GRIP2: variants seen among roughly 807,000 people sequenced by gnomAD.
GRIP2 encodes the protein glutamate receptor-interacting protein 2.
In GRIP2, 58 loss-of-function variants were observed where a neutral mutation model predicts 108.3. The ratio of observed to expected loss-of-function variants is 0.54; its 90% CI spans 0.43 to 0.67. The LOEUF is 0.67. Ranked by LOEUF, GRIP2 falls within the 30% of genes least tolerant of loss-of-function variation. The pLI, the probability that GRIP2 is intolerant of heterozygous loss-of-function variation, is 0.00. For missense variants in GRIP2, 1,278 were observed against 1,430.6 expected (o/e 0.89, Z 1.72); for synonymous variants, 586 against 598.2 (o/e 0.98, Z 0.30).
At chr3:14,508,414 G>T (rs1186387059) in intron 17 of GRIP2, among the ~76,000 whole-genome samples, 1 of 152,362 alleles carries the variant, frequency 6.6e-6, no homozygotes, top group Non-Finnish European at 1.5e-5. Context: ...CCAGGGCTGA[G>T]CAGGGGAGAA....
At chr3:14,533,315 T>A (rs1694756923) in intron 1 of GRIP2, among the ~76,000 whole-genome samples, 1 of 152,238 alleles carries the variant, frequency 6.6e-6, no homozygotes, top group Admixed American at 6.5e-5. Context: ...CCTGTGCAGA[T>A]TAGATTCTGT....
upstream of GRIP2, among the ~76,000 whole-genome samples, chr3:14,559,782 G>T (rs73815607): frequency 4.9e-3 from 744 of 152,312 alleles, 5 homozygotes; most frequent in African/African-American, 0.017. Context: ...ACTCCTGGCA[G>T]AGACAGACGC....
At chr3:14,558,300 A>G (rs1012336933), upstream of GRIP2, among the ~76,000 whole-genome samples, 1 of 151,320 alleles carries the variant, frequency 6.6e-6, no homozygotes, top group Non-Finnish European at 1.5e-5. Context: ...CCCTTATAAA[A>G]CCCCTATTGT....
chr3:14,543,479 G>A (rs992623135), upstream of GRIP2, among the ~76,000 whole-genome samples: 2 of 152,364 alleles, frequency 1.3e-5, no homozygotes, highest in South Asian at 4.1e-4. Context: ...AAGGATTTCC[G>A]TCTGGGAGGC....
intron 1 of GRIP2, among the ~76,000 whole-genome samples, chr3:14,537,825 G>A (rs979721993): frequency 1.3e-5 from 2 of 152,206 alleles, no homozygotes; most frequent in African/African-American, 4.8e-5. Context: ...CAGCATGGCA[G>A]CAAGTGCCTG....
At chr3:14,598,093 T>C in the GRIP2 span, among the ~76,000 whole-genome samples, 1 of 152,110 alleles carries the variant, frequency 6.6e-6, no homozygotes, top group Non-Finnish European at 1.5e-5. Flanking sequence ...ACCCACGCAC[T>C]GGAAACCACA....
chr3:14,575,245 T>A, the GRIP2 span, among the ~76,000 whole-genome samples: 9 of 152,218 alleles, frequency 5.9e-5, no homozygotes, highest in African/African-American at 2.2e-4. Context: ...AAAAGATGCA[T>A]CTGTGCCACT....
chr3:14,529,274 G>A (rs1036514186), intron 1 of GRIP2, among the ~76,000 whole-genome samples: 13 of 114,160 alleles, frequency 1.1e-4, no homozygotes, highest in African/African-American at 4.9e-4. Flanking sequence ...GTGAGACTCC[G>A]TCTCAAAAAA....
Position 14,525,915 on chromosome 3 carries a change from G to A in GRIP2, c.57C>T (p.Ser19=). 6.4e-7 allele frequency: 1 copy of A among 1,559,228 alleles called. No homozygotes were observed. The highest frequency in any genetic ancestry group is 8.7e-7 in the Non-Finnish European group (1 of 1,151,238). Residue 19 remains serine (S), a synonymous_variant, in exon 2 of 24, where the codon TCC becomes TCT. Transcript: ENST00000621039. ...TPGEADDGPY[S]KGGKDAGGAD... The stretch of plus-strand genomic sequence containing the variant: ...CCCCTCCTGCGTCCTTGCCTCCTTT[G>A]GAGTAGGGCCCATCGTCTGCAGGAG...
Position 14,514,330 on chromosome 3 carries a change from G to C in GRIP2, c.1455C>G (p.Pro485=). 6.3e-7 allele frequency: 1 copy of C among 1,577,608 alleles called. No homozygotes were observed. Among genetic ancestry groups the C allele is most frequent in the South Asian group, 1.2e-5 (1 of 85,482 alleles). Residue 485 remains proline (P), a synonymous_variant, in exon 12 of 24, where the codon CCC becomes CCG. Coordinates refer to ENST00000621039, the MANE Select transcript of GRIP2 (RefSeq NM_001080423.4). ...TGTCAGGCTCGATGAAGCACACGAGGGGTGGGGAGGACAGGGTCTCGGTGG... is the reference window on the plus strand; with the variant it reads ...TGTCAGGCTCGATGAAGCACACGAGCGGTGGGGAGGACAGGGTCTCGGTGG... ...IFATETLSSP[P]LVCFIEPDSP... is the part of the protein sequence containing the mutation.
intron 21 of GRIP2, among the ~76,000 whole-genome samples, chr3:14,502,213 C>T (rs767779785): frequency 6.6e-6 from 1 of 152,118 alleles, no homozygotes; most frequent in Non-Finnish European, 1.5e-5. Context: ...AGCAAATTGG[C>T]CAGGCACAGT....
chr3:14,602,215 G>C, the GRIP2 span: 3 of 152,140 alleles, frequency 2.0e-5, no homozygotes, highest in Non-Finnish European at 2.9e-5. This position sits in a 1 kb window ranked among gnomAD's most constrained non-coding sequence, Gnocchi z 4.7. Context: ...ACCCAGGCGC[G>C]GGTCCTCCTT....
At chr3:14,518,550 G>A (rs1045479440) in intron 9 of GRIP2, among the ~76,000 whole-genome samples, 6 of 151,848 alleles carry the variant, frequency 4.0e-5, no homozygotes, top group East Asian at 1.9e-4. Flanking sequence ...CCACTGCCCC[G>A]ACCCCCTAGG....
chr3:14,523,053 G>A lies in GRIP2; in HGVS notation c.513C>T (p.His171=). The A allele has an allele frequency of 2.5e-6, 4 of 1,610,792 alleles. No homozygotes were observed. The highest frequency in any genetic ancestry group is 1.1e-5 in the South Asian group (1 of 90,750). The change falls in exon 6 of 24, where the codon CAC becomes CAT. Residue 171 remains histidine (H), a synonymous_variant. Transcript: ENST00000621039. ...VLRGGAHEDG[H]KSRPLVLTYV... ...AGGTCAGGACAAGCGGGCGGGACTT[G>A]TGCCCATCTTCATGGGCACCTCCTG... is the stretch of plus-strand genomic sequence containing the variant.
the GRIP2 span, chr3:14,573,286 G>A: frequency 2.1e-6 from 3 of 1,421,240 alleles, no homozygotes; most frequent in Non-Finnish European, 3.0e-6. Context: ...CGGTACAGCA[G>A]GAAGATGGCA....
intron 1 of GRIP2, among the ~76,000 whole-genome samples, chr3:14,539,804 C>T (rs1694917811): frequency 6.6e-6 from 1 of 152,164 alleles, no homozygotes; most frequent in East Asian, 1.9e-4. Context: ...AGAGTTTCTC[C>T]TCCTGCCGAG....
chr3:14,545,152 A>G (rs1003265576), upstream of GRIP2, among the ~76,000 whole-genome samples: 5 of 152,260 alleles, frequency 3.3e-5, no homozygotes, highest in African/African-American at 1.2e-4. Context: ...AATGTTGGGA[A>G]GAGCCACCGT....
chr3:14,510,598 A>AAGAAG (rs777668451), intron 16 of GRIP2, among the ~76,000 whole-genome samples: 29 of 152,188 alleles, frequency 1.9e-4, no homozygotes, highest in Admixed American at 9.8e-4. Context: ...AAGAAAAGAA[A>AAGAAG]AGAAATCTAC....
intron 21 of GRIP2, among the ~76,000 whole-genome samples, chr3:14,499,121 T>A (rs1693697044): frequency 6.6e-6 from 1 of 152,126 alleles, no homozygotes; most frequent in Non-Finnish European, 1.5e-5. Context: ...CTAGAACCCT[T>A]AGCGTGACCT....
Sources: gnomAD v4.1 joint callset for allele counts (sites outside exome capture counted in the v4.1 genomes callset) on GRCh38, gnomAD v4.1.1 for gene constraint, Gnocchi (gnomAD v3.1) non-coding constraint, MANE v1.5 for transcripts, NCBI Gene and HGNC (gene_info 2026-07-23, HGNC 2026-07-21) for gene names.